Variants in ASIC2 observed in about 807,000 individuals in gnomAD.
ASIC2 encodes the protein acid sensing ion channel subunit 2.
ASIC2 carries 25 observed loss-of-function variants against 57.3 expected under a neutral mutation model. The observed-to-expected ratio is 0.44, with a 90% CI of 0.32 to 0.61. ASIC2 has a LOEUF of 0.61. Among genes scored for constraint, ASIC2 ranks in the 20% least tolerant of loss-of-function variants. ASIC2 has a pLI of 0.06. For missense variants in ASIC2, 641 were observed against 738.1 expected (o/e 0.87, Z 1.52); for synonymous variants, 319 against 307.5 (o/e 1.04, Z -0.39).
At chr17:33,955,752 C>T (rs1904715772) in intron 1 of ASIC2, among the ~76,000 whole-genome samples, 1 of 152,268 alleles carries the variant, frequency 6.6e-6, no homozygotes, top group African/African-American at 2.4e-5. Flanking sequence ...CCCAACAGGG[C>T]CCCTCCTCCA....
chr17:33,430,104 C>T (rs1291798100), intron 1 of ASIC2, among the ~76,000 whole-genome samples: 1 of 152,142 alleles, frequency 6.6e-6, no homozygotes, highest in Non-Finnish European at 1.5e-5. Flanking sequence ...GATTTTCATT[C>T]TTCTTGGCTG....
chr17:34,019,567 A>G (rs1354201154), intron 1 of ASIC2, among the ~76,000 whole-genome samples: 1 of 152,260 alleles, frequency 6.6e-6, no homozygotes, highest in Non-Finnish European at 1.5e-5. Context: ...ATGAAGGTTC[A>G]GATGATCATT....
At chr17:33,507,939 A>G (rs907352821) in intron 1 of ASIC2, among the ~76,000 whole-genome samples, 2 of 152,122 alleles carry the variant, frequency 1.3e-5, no homozygotes, top group African/African-American at 4.8e-5. Flanking sequence ...TTTAGTTGGG[A>G]TTGTATAAAA....
chr17:33,447,034 G>A (rs549295764), intron 1 of ASIC2, among the ~76,000 whole-genome samples: 4 of 152,282 alleles, frequency 2.6e-5, no homozygotes, highest in South Asian at 2.1e-4. Flanking sequence ...TGCTGCAGAC[G>A]CTTTGAGCCT....
At chr17:33,852,143 G>A in intron 1 of ASIC2, among the ~76,000 whole-genome samples, 1 of 152,232 alleles carries the variant, frequency 6.6e-6, no homozygotes, top group East Asian at 1.9e-4. Context: ...ACAGAGTGGG[G>A]CCCAGCATCT....
chr17:34,083,936 G>A (rs1238981870), intron 1 of ASIC2, among the ~76,000 whole-genome samples: 4 of 152,190 alleles, frequency 2.6e-5, no homozygotes. Flanking sequence ...TTTGTCAGAT[G>A]AGTAGGTTGT....
chr17:33,691,632 T>C (rs1012879146), intron 1 of ASIC2, among the ~76,000 whole-genome samples: 1 of 152,212 alleles, frequency 6.6e-6, no homozygotes, highest in African/African-American at 2.4e-5. Flanking sequence ...GACCATAATA[T>C]AAATTGAAGA....
intron 1 of ASIC2, among the ~76,000 whole-genome samples, chr17:33,334,798 A>G (rs566396482): frequency 1.3e-5 from 2 of 152,086 alleles, no homozygotes; most frequent in Non-Finnish European, 2.9e-5. Context: ...TCCACAGGTG[A>G]TGGGGGTCGT....
At chr17:34,078,408 G>A (rs995927835) in intron 1 of ASIC2, among the ~76,000 whole-genome samples, 1 of 152,076 alleles carries the variant, frequency 6.6e-6, no homozygotes, top group Non-Finnish European at 1.5e-5. Flanking sequence ...AGAACATAGC[G>A]AATATAACGA....
Position 33,647,313 on chromosome 17 carries a change from T to C in ASIC2, c.555+508665A>G, listed in dbSNP as rs527410573. Among the ~76,000 whole-genome samples the C allele has an allele frequency of 2.6e-5, 4 of 152,336 alleles. No individual in the cohort carries two copies. In the East Asian group the frequency reaches 7.7e-4, roughly 29 times the overall value. ...CATAAAATAGATGCCCTGTGAACTG[T>C]CACTTCTTACTCATTAGAAAGGGAA... On this transcript the variant is annotated intron_variant, in intron 1 of 9. Transcript: ENST00000359872.
chr17:33,803,897 G>GT (rs1173921009), intron 1 of ASIC2, among the ~76,000 whole-genome samples: 1 of 152,146 alleles, frequency 6.6e-6, no homozygotes. Context: ...GATTGCCAGT[G>GT]TGGGGTGGAA....
intron 1 of ASIC2, among the ~76,000 whole-genome samples, chr17:33,269,426 T>C (rs957659635): frequency 1.3e-5 from 2 of 152,158 alleles, no homozygotes; most frequent in Non-Finnish European, 2.9e-5. Flanking sequence ...CCCCCATCAA[T>C]AGTCCTTTAT....
At chr17:34,039,095 T>C (rs1183545519) in intron 1 of ASIC2, 1 of 1,613,992 alleles carries the variant, frequency 6.2e-7, no homozygotes, top group Non-Finnish European at 8.5e-7. Flanking sequence ...AATCGTTCCT[T>C]GTATTTCTCT....
chr17:33,882,056 T>C (rs1446686752), intron 1 of ASIC2, among the ~76,000 whole-genome samples: 2 of 152,200 alleles, frequency 1.3e-5, no homozygotes, highest in Non-Finnish European at 2.9e-5. Context: ...TGGCTAGCCA[T>C]ATGTAGAAAG....
intron 1 of ASIC2, among the ~76,000 whole-genome samples, chr17:33,814,534 C>A (rs1212674736): frequency 6.6e-6 from 1 of 152,142 alleles, no homozygotes; most frequent in African/African-American, 2.4e-5. Context: ...AAATAATGTG[C>A]CCGTAAAAGA....
intron 1 of ASIC2, among the ~76,000 whole-genome samples, chr17:33,958,847 G>C (rs886478193): frequency 2.6e-5 from 4 of 152,102 alleles, no homozygotes; most frequent in African/African-American, 9.7e-5. Context: ...CTACTGCATG[G>C]TCAGGCTGCA....
At chr17:33,609,643 G>T (rs778729622) in intron 1 of ASIC2, among the ~76,000 whole-genome samples, 8 of 152,164 alleles carry the variant, frequency 5.3e-5, no homozygotes, top group Non-Finnish European at 1.2e-4. Flanking sequence ...TTGGAGTTAA[G>T]ATTCATTTTG....
intron 1 of ASIC2, among the ~76,000 whole-genome samples, chr17:33,427,505 G>A (rs960673392): frequency 3.3e-5 from 5 of 152,198 alleles, no homozygotes; most frequent in African/African-American, 1.2e-4. Flanking sequence ...CTTTGTAAGT[G>A]GTAATATGGG....
intron 1 of ASIC2, among the ~76,000 whole-genome samples, chr17:33,661,993 G>A (rs1907283528): frequency 6.6e-6 from 1 of 152,132 alleles, no homozygotes; most frequent in Non-Finnish European, 1.5e-5. Flanking sequence ...ACACCCTTGG[G>A]AGGGAAGAAT....
Sources: gnomAD v4.1 joint callset for allele counts (sites outside exome capture counted in the v4.1 genomes callset) on GRCh38, gnomAD v4.1.1 for gene constraint, MANE v1.5 for transcripts, NCBI Gene and HGNC (gene_info 2026-07-23, HGNC 2026-07-21) for gene names.